The following AKAP13 variants were observed in gnomAD, a reference collection of about 807,000 sequenced individuals.
AKAP13 encodes A-kinase anchoring protein 13.
AKAP13 carries 80 observed loss-of-function variants against 264.5 expected under a neutral mutation model. That is an observed-to-expected ratio of 0.30 (90% CI 0.25 to 0.36). The LOEUF (loss-of-function observed/expected upper bound fraction) is 0.36. Ranked by LOEUF, AKAP13 falls within the 10% of genes least tolerant of loss-of-function variation. AKAP13 has a pLI of 1.00. For missense variants in AKAP13, 3,712 were observed against 3,435.2 expected, an observed-to-expected ratio of 1.08 and a Z score of -2.01; for synonymous variants, 1,380 against 1,250.2, an observed-to-expected ratio of 1.10 and a Z score of -2.19.
rs770859120 is a variant in AKAP13, at chr15:85,735,089, C to G, written c.7380C>G (p.Ser2460=). 29 of 1,614,080 alleles carry G rather than the reference C, an allele frequency of 1.8e-5. No homozygotes were observed. The highest frequency in any genetic ancestry group is 2.0e-5 in the Non-Finnish European group (24 of 1,180,042). ...PIEQDVVGPV[S]LPRRAETFGG... ...AGCAAGATGTGGTCGGTCCCGTTTCCCTGCCCCGGAGAGCAGAGACCTTTG... is the reference window on the plus strand; with the variant it reads ...AGCAAGATGTGGTCGGTCCCGTTTCGCTGCCCCGGAGAGCAGAGACCTTTG... Residue 2460 remains serine (S), a synonymous_variant, in exon 31 of 37, where the codon TCC becomes TCG. Coordinates refer to ENST00000394518, the MANE Select transcript of AKAP13 (RefSeq NM_007200.5).
In AKAP13 at chr15:85,740,266, T is replaced by C; in HGVS notation, c.7602T>C (p.Ala2534=). ...TTCATCTCTACGAGCTCCTCAGCGC[T>C]CTGCAGGTGCGTGCCTTCATCTTCC... is the stretch of plus-strand genomic sequence containing the variant. ...SVVHLYELLS[A]LQGVVLQQDS... The change falls in exon 34 of 37, where the codon GCT becomes GCC. Residue 2534 remains alanine (A), a synonymous_variant. Coordinates refer to ENST00000394518, the MANE Select transcript of AKAP13 (RefSeq NM_007200.5). The C allele has an allele frequency of 6.2e-7, 1 of 1,614,006 alleles. No homozygotes were observed. Among genetic ancestry groups the C allele is most frequent in the East Asian group, 2.2e-5 (1 of 44,882 alleles).
chr15:85,678,253 A>G (rs1419550281), intron 14 of AKAP13, among the ~76,000 whole-genome samples: 3 of 152,194 alleles, frequency 2.0e-5, no homozygotes, highest in African/African-American at 7.2e-5. Context: ...GTCTGAGACA[A>G]TTACCATACC....
chr15:85,524,212 C>G (rs1160348040), intron 3 of AKAP13, among the ~76,000 whole-genome samples: 1 of 117,634 alleles, frequency 8.5e-6, no homozygotes, highest in Admixed American at 1.2e-4. Context: ...GAGTCTTGCT[C>G]TGTTGCCCAG....
chr15:85,641,173 G>A lies in AKAP13; in HGVS notation c.4237+1724G>A, dbSNP rs181357457. On this transcript the variant is annotated intron_variant, in intron 9 of 36. Transcript: ENST00000394518. ...ATAAGATATTGTCTTTTGGCCGGGC[G>A]AGGTGGCTCACGCCTGTAATCCCAA... is the stretch of plus-strand genomic sequence containing the variant. 7.2e-5 allele frequency among the ~76,000 whole-genome samples: 11 copies of A among 152,066 alleles called. No homozygotes were observed. The East Asian group carries it at 1.8e-3, about 24-fold the overall frequency.
intron 14 of AKAP13, among the ~76,000 whole-genome samples, chr15:85,675,967 A>C (rs1370683123): frequency 6.6e-6 from 1 of 151,756 alleles, no homozygotes; most frequent in Non-Finnish European, 1.5e-5. Flanking sequence ...GCTGGAATGT[A>C]GTGGCGCTAT....
chr15:85,432,090 T>G (rs1366380042), intron 1 of AKAP13, among the ~76,000 whole-genome samples: 1 of 148,836 alleles, frequency 6.7e-6, no homozygotes, highest in Non-Finnish European at 1.5e-5. Context: ...CCAGATTAGT[T>G]CTCATTTCTT....
chr15:85,521,347 C>G, intron 2 of AKAP13, 81 bp from the exon 3 acceptor site: 1 of 1,517,918 alleles, frequency 6.6e-7, no homozygotes, highest in South Asian at 1.2e-5. Flanking sequence ...TTGATTTTCC[C>G]TTAAATATGA....
intron 12 of AKAP13, among the ~76,000 whole-genome samples, 198 bp from the exon 13 acceptor site, chr15:85,664,365 A>G (rs188834218): frequency 6.6e-6 from 1 of 152,248 alleles, no homozygotes; most frequent in Non-Finnish European, 1.5e-5. Flanking sequence ...ATCTAAGTGC[A>G]GTATTCTTTC....
intron 1 of AKAP13, among the ~76,000 whole-genome samples, chr15:85,434,111 C>T (rs778239664): frequency 5.3e-5 from 8 of 151,164 alleles, no homozygotes; most frequent in Admixed American, 4.6e-4. Context: ...CCAGTGGGTG[C>T]GCGCACCGTG....
intron 16 of AKAP13, among the ~76,000 whole-genome samples, chr15:85,686,942 G>A (rs1213585570): frequency 1.3e-5 from 2 of 152,114 alleles, no homozygotes; most frequent in East Asian, 3.8e-4. Flanking sequence ...TAAAACTACT[G>A]AATCTTGTCT....
Position 85,740,235 on chromosome 15 carries a change from G to T in AKAP13, c.7571G>T (p.Ser2524Ile), listed in dbSNP as rs2088852290. ...TTCCTTTGGCAGCAGGTTGTCCAGAGCGTTGTTCATCTCTACGAGCTCCTC... is the reference window on the plus strand; with the variant it reads ...TTCCTTTGGCAGCAGGTTGTCCAGATCGTTGTTCATCTCTACGAGCTCCTC... ...LKRNSEQVVQ[S>I]VVHLYELLSA... The change falls in exon 34 of 37, where the codon AGC becomes ATC. Residue 2524 changes from serine to isoleucine, a missense_variant. Coordinates refer to ENST00000394518, the MANE Select transcript of AKAP13 (RefSeq NM_007200.5). 1 of 1,614,052 alleles carries T rather than the reference G, an allele frequency of 6.2e-7. No homozygotes were observed. The highest frequency in any genetic ancestry group is 1.3e-5 in the African/African-American group (1 of 74,934).
Position 85,565,699 on chromosome 15 carries a change from G to A in AKAP13, c.663-9432G>A, listed in dbSNP as rs146306871. On this transcript the variant is annotated intron_variant, in intron 5 of 36. Coordinates refer to ENST00000394518, the MANE Select transcript of AKAP13 (RefSeq NM_007200.5). ...AGAAATTCTGTGCTAGAATTGTAGAGCATTCAGATACACCTAGGATTCTAG... is the reference window on the plus strand; with the variant it reads ...AGAAATTCTGTGCTAGAATTGTAGAACATTCAGATACACCTAGGATTCTAG... 6.3e-3 allele frequency among the ~76,000 whole-genome samples: 965 copies of A among 152,308 alleles called. 11 individuals are homozygous for A. Among genetic ancestry groups the A allele is most frequent in the African/African-American group, 0.022 (904 of 41,560 alleles).
intron 8 of AKAP13, among the ~76,000 whole-genome samples, chr15:85,630,166 T>TATAC (rs71468125): frequency 0.043 from 4,289 of 100,126 alleles, 110 homozygotes; most frequent in Admixed American, 0.092. Flanking sequence ...TTTTAACACA[T>TATAC]ACACACACAC....
intron 1 of AKAP13, among the ~76,000 whole-genome samples, chr15:85,434,913 C>A (rs1402113807): frequency 6.6e-6 from 1 of 150,958 alleles, no homozygotes; most frequent in Non-Finnish European, 1.5e-5. Flanking sequence ...ATGCAGAGCG[C>A]CTCTCCTCCT....
At chr15:85,532,418 G>T (rs139054419) in intron 3 of AKAP13, among the ~76,000 whole-genome samples, 2 of 152,354 alleles carry the variant, frequency 1.3e-5, no homozygotes, top group Non-Finnish European at 2.9e-5. Flanking sequence ...TTCCCTCCAT[G>T]CCCTTAGCTG....
intron 19 of AKAP13, among the ~76,000 whole-genome samples, chr15:85,714,179 A>G (rs1406307692): frequency 6.6e-6 from 1 of 152,242 alleles, no homozygotes; most frequent in Admixed American, 6.5e-5. Context: ...AATTAAGCCA[A>G]AGGAAAAAAT....
chr15:85,655,922 G>A lies in AKAP13; in HGVS notation c.4745+135G>A, dbSNP rs182719859. On this transcript the variant is annotated intron_variant, in intron 11 of 36. Coordinates refer to ENST00000394518, the MANE Select transcript of AKAP13 (RefSeq NM_007200.5). ...GAAAGAATATAGGCTTTGGAATCAG[G>A]AAAATCTGTGTTCAGACCCCAGCTC... 11,013 of 1,365,260 alleles carry A rather than the reference G, an allele frequency of 8.1e-3. 63 individuals carry two copies. The highest frequency in any genetic ancestry group is 9.4e-3 in the Non-Finnish European group (9,866 of 1,047,482). 84.6% of individuals were successfully genotyped at this position (1,365,260 alleles called of 1,614,324 possible).
intron 8 of AKAP13, among the ~76,000 whole-genome samples, chr15:85,609,944 A>C (rs967973037): frequency 1.3e-5 from 2 of 151,978 alleles, no homozygotes; most frequent in Admixed American, 1.3e-4. Context: ...CATCTGTACT[A>C]CCTACCCAAG....
At chr15:85,539,470 G>A (rs1202458463) in intron 4 of AKAP13, among the ~76,000 whole-genome samples, 4 of 152,170 alleles carry the variant, frequency 2.6e-5, no homozygotes, top group African/African-American at 9.7e-5. Flanking sequence ...GGAATCATAG[G>A]TATAGATTCA....
Sources: allele counts gnomAD v4.1 joint callset (sites outside exome capture counted in the v4.1 genomes callset), GRCh38; gene constraint gnomAD v4.1.1; transcripts MANE v1.5; gene names NCBI Gene and HGNC (gene_info 2026-07-23, HGNC 2026-07-21).